FGD5: variants seen among roughly 807,000 people sequenced by gnomAD.
The protein encoded by FGD5 is FYVE, RhoGEF and PH domain containing 5.
FGD5 carries 28 observed loss-of-function variants against 133.4 expected under a neutral mutation model. The ratio of observed to expected loss-of-function variants is 0.21; its 90% CI spans 0.16 to 0.29. The LOEUF is 0.29. Among genes scored for constraint, FGD5 ranks in the 10% least tolerant of loss-of-function variants. FGD5 has a pLI of 1.00. For synonymous variants in FGD5, 810 were observed against 776.5 expected (o/e 1.04, Z -0.72); for missense variants, 1,858 against 1,895.2 (o/e 0.98, Z 0.36).
At chr3:14,873,712 TA>T (rs767366187) in intron 2 of FGD5, among the ~76,000 whole-genome samples, 11 of 151,480 alleles carry the variant, frequency 7.3e-5, no homozygotes, top group Non-Finnish European at 1.5e-4. Flanking sequence ...ACGTTTAACG[TA>T]AGAGCTACAC....
intron 4 of FGD5, among the ~76,000 whole-genome samples, chr3:14,885,693 T>A (rs1230704836): frequency 6.6e-6 from 1 of 152,010 alleles, no homozygotes; most frequent in Non-Finnish European, 1.5e-5. Flanking sequence ...GTTCTAAGAG[T>A]AAGTGTCCCG....
intron 4 of FGD5, 131 bp downstream of exon 4, chr3:14,880,903 C>A: frequency 8.4e-7 from 1 of 1,197,182 alleles, no homozygotes; most frequent in Non-Finnish European, 1.2e-6. Flanking sequence ...AGGCACTCAC[C>A]GACGCTTTTC....
intron 2 of FGD5, among the ~76,000 whole-genome samples, chr3:14,866,458 A>G (rs573279337): frequency 1.1e-3 from 165 of 152,130 alleles, no homozygotes; most frequent in African/African-American, 3.8e-3. Context: ...CACTGCTTGG[A>G]CACTCCCAGG....
intron 13 of FGD5, among the ~76,000 whole-genome samples, chr3:14,919,058 A>G (rs760904152): frequency 1.6e-4 from 25 of 152,164 alleles, no homozygotes; most frequent in Non-Finnish European, 3.2e-4. Flanking sequence ...AAAATTTTAT[A>G]TATAACTTCA....
At chr3:14,846,132 C>T (rs1333325421) in intron 1 of FGD5, among the ~76,000 whole-genome samples, 3 of 152,200 alleles carry the variant, frequency 2.0e-5, no homozygotes, top group African/African-American at 7.2e-5. Context: ...ACTAGGGGCA[C>T]ACCTGTCGTG....
chr3:14,933,286 C>T lies in FGD5; in HGVS notation c.*119C>T, dbSNP rs1339990973. On this transcript the variant is annotated 3_prime_UTR_variant, in exon 20 of 20. Transcript: ENST00000285046. ...ACCTGGATTCAGCAATGAGGCCTGA[C>T]CTTTTTTGCTATAACCGCCCCACCA... 3.4e-6 allele frequency: 4 copies of T among 1,179,242 alleles called. No homozygotes were observed. Among genetic ancestry groups the T allele is most frequent in the Non-Finnish European group, 4.9e-6 (4 of 809,622 alleles). 73.0% of individuals were successfully genotyped at this position (1,179,242 alleles called of 1,614,324 possible).
intron 15 of FGD5, 31 bp from the exon 16 acceptor site, chr3:14,923,015 G>T: frequency 1.2e-6 from 2 of 1,613,564 alleles, no homozygotes; most frequent in Non-Finnish European, 1.7e-6. Flanking sequence ...TGCACTGAGA[G>T]GGGTGAGAAT....
chr3:14,854,432 T>TATTGGTTG (rs2037235390), intron 1 of FGD5, among the ~76,000 whole-genome samples: 1 of 143,364 alleles, frequency 7.0e-6, no homozygotes, highest in Non-Finnish European at 1.5e-5. Flanking sequence ...TTTATTTATT[T>TATTGGTTG]ATTGAGACGA....
chr3:14,922,418 A>G lies in FGD5; in HGVS notation c.3677A>G (p.Glu1226Gly). The G allele has an allele frequency of 6.4e-7, 1 of 1,566,830 alleles. No individual in the cohort carries two copies. Among genetic ancestry groups the G allele is most frequent in the Non-Finnish European group, 8.7e-7 (1 of 1,155,596 alleles). Residue 1226 changes from glutamate to glycine, a missense_variant, in exon 15 of 20, where the codon GAG (glutamate) becomes GGG (glycine). By Grantham distance (98) the Glu-to-Gly change is moderately conservative. Coordinates refer to ENST00000285046, the MANE Select transcript of FGD5 (RefSeq NM_152536.4). The surrounding 1 kb of genome is among the most constrained non-coding windows in gnomAD (Gnocchi z 4.1). ...CCAATTCTGTTGCTGCAGATACGAG[A>G]GAGGCTGGGGGTTAGCCTTGGGGAG... ...AAFHHSVEIRERLGVSLGERP... is the reference protein window; with the variant it reads ...AAFHHSVEIRGRLGVSLGERP...
intron 4 of FGD5, among the ~76,000 whole-genome samples, chr3:14,892,363 G>A (rs1299471431): frequency 6.6e-6 from 1 of 151,992 alleles, no homozygotes; most frequent in Non-Finnish European, 1.5e-5. Flanking sequence ...CACCATGCCT[G>A]GAGAATTTTT....
At chr3:14,840,381 G>A (rs1000240604) in intron 1 of FGD5, among the ~76,000 whole-genome samples, 1 of 152,130 alleles carries the variant, frequency 6.6e-6, no homozygotes, top group Non-Finnish European at 1.5e-5. Flanking sequence ...CTGACCTCAA[G>A]TGATCTGCCC....
At chr3:14,904,575 C>T (rs185133981) in intron 9 of FGD5, among the ~76,000 whole-genome samples, 1 of 152,144 alleles carries the variant, frequency 6.6e-6, no homozygotes, top group East Asian at 1.9e-4. Context: ...CAGGATCACT[C>T]ACCTTGTGTA....
chr3:14,925,100 C>CAA (rs10714568), intron 17 of FGD5, among the ~76,000 whole-genome samples: 17 of 71,808 alleles, frequency 2.4e-4, no homozygotes, highest in South Asian at 5.4e-4. Context: ...GACTCTGTCT[C>CAA]AAAAAAAAAA....
At chr3:14,845,534 C>T (rs1294476960) in intron 1 of FGD5, among the ~76,000 whole-genome samples, 2 of 152,178 alleles carry the variant, frequency 1.3e-5, no homozygotes, top group Admixed American at 6.5e-5. Flanking sequence ...TAAGAAGTTT[C>T]CCTGAACTAA....
intron 18 of FGD5, among the ~76,000 whole-genome samples, chr3:14,929,432 A>C (rs1489863849): frequency 6.6e-6 from 1 of 152,174 alleles, no homozygotes; most frequent in African/African-American, 2.4e-5. Context: ...CCTTTTTCCA[A>C]AGTGGTGTGC....
rs2038709853 is a variant in FGD5, at chr3:14,922,707, A to G, written c.3807+159A>G. 6.6e-6 allele frequency among the ~76,000 whole-genome samples: 1 copy of G among 152,160 alleles called. No individual in the cohort carries two copies. The highest frequency in any genetic ancestry group is 1.9e-4 in the East Asian group (1 of 5,180). On this transcript the variant is annotated intron_variant, in intron 15 of 19. Coordinates refer to ENST00000285046, the MANE Select transcript of FGD5 (RefSeq NM_152536.4). The surrounding 1 kb of genome is among the most constrained non-coding windows in gnomAD (Gnocchi z 4.1). ...CGAGAGGAACAGATTGCTAATTCCC[A>G]TTTTATAGATCATCAAACCAGAGCT...
chr3:14,814,179 CAG>C (rs1053364875), upstream of FGD5, among the ~76,000 whole-genome samples: 7 of 152,242 alleles, frequency 4.6e-5, no homozygotes, highest in South Asian at 2.1e-4. Flanking sequence ...CAGAGGAACT[CAG>C]GGGGCCCAGA....
In FGD5 at chr3:14,923,067, C is replaced by T. The variant is rs371834292; in HGVS notation, c.3829C>T (p.Arg1277Trp). 19 of 1,613,724 alleles carry T rather than the reference C, an allele frequency of 1.2e-5. No individual in the cohort carries two copies. The highest frequency in any genetic ancestry group is 1.1e-5 in the Non-Finnish European group (13 of 1,179,856). ...CGKIVCRNCS[R>W]NKYPLKYLKD... ...GCAGATCGTGTGCCGGAACTGTTCG[C>T]GGAACAAGTACCCGCTGAAGTACCT... The change falls in exon 16 of 20, where the codon CGG (arginine) becomes TGG (tryptophan). Residue 1277 changes from arginine (R) to tryptophan (W), a missense_variant. Around this residue, in one of 3 missense-constraint regions of FGD5, gnomAD observed 1,824 missense variants for 1,848.9 expected, o/e 0.99. Transcript: ENST00000285046.
rs779912643 is a variant in FGD5 at position 14,918,797 on chromosome 3, T to C, written c.3533T>C (p.Ile1178Thr). 6.2e-7 allele frequency: 1 copy of C among 1,613,922 alleles called. No homozygotes were observed. The highest frequency in any genetic ancestry group is 1.1e-5 in the South Asian group (1 of 91,078). Residue 1178 changes from isoleucine to threonine, a missense_variant, in exon 13 of 20, where the codon ATT becomes ACT. By Grantham distance (89) the Ile-to-Thr change is moderately conservative (BLOSUM62 -1). Transcript: ENST00000285046. ...VMEKVPYALKIETSESCLMLS... is the reference protein window; with the variant it reads ...VMEKVPYALKTETSESCLMLS... Reference sequence around the variant, plus strand: ...GAGAAAGTGCCCTACGCTCTAAAGATTGAGACTTCCGAGTCCTGCCTGATG... The same window carrying C: ...GAGAAAGTGCCCTACGCTCTAAAGACTGAGACTTCCGAGTCCTGCCTGATG...
Sources: gnomAD v4.1 joint callset for allele counts (sites outside exome capture counted in the v4.1 genomes callset) on GRCh38, gnomAD v4.1.1 for gene constraint, gnomAD v4.1.1 regional missense constraint, Gnocchi (gnomAD v3.1) non-coding constraint, MANE v1.5 for transcripts, NCBI Gene and HGNC (gene_info 2026-07-23, HGNC 2026-07-21) for gene names.